CFAP299: variants seen among roughly 807,000 people sequenced by gnomAD.
The protein encoded by CFAP299 is cilia and flagella associated protein 299.
CFAP299 carries 21 observed loss-of-function variants against 27.0 expected under a neutral mutation model. That is an observed-to-expected ratio of 0.78 (90% CI 0.55 to 1.12). The LOEUF is 1.12. Ranked by LOEUF, CFAP299 falls within the 50% of genes most tolerant of loss-of-function variation. The probability of loss-of-function intolerance (pLI) is 0.00; values close to 1 mark genes in which losing one functional copy is unlikely to be tolerated. For missense variants in CFAP299, 310 were observed against 276.6 expected, an observed-to-expected ratio of 1.12 and a Z score of -0.86; for synonymous variants, 104 against 98.1, an observed-to-expected ratio of 1.06 and a Z score of -0.36.
rs1484036961 is a variant in CFAP299 at position 80,806,941 on chromosome 4, T to C, written c.334-63052T>C. 2.0e-5 allele frequency among the ~76,000 whole-genome samples: 3 copies of C among 152,330 alleles called. No homozygotes were observed. In the East Asian group the frequency reaches 5.8e-4, roughly 29 times the overall value. ...AAGATGTTAGTTTTTCTGTTAATAA[T>C]TGAAAAATTATAGACCTGATTATAT... On this transcript the variant is annotated intron_variant, in intron 3 of 5. Transcript: ENST00000358105.
chr4:80,918,641 T>C (rs1383518151), intron 4 of CFAP299, among the ~76,000 whole-genome samples: 2 of 152,124 alleles, frequency 1.3e-5, no homozygotes, highest in African/African-American at 2.4e-5. Flanking sequence ...ACTGGTTTTA[T>C]GTAAAAAAAA....
chr4:80,629,215 A>G (rs749288414), intron 3 of CFAP299, among the ~76,000 whole-genome samples: 5 of 152,190 alleles, frequency 3.3e-5, no homozygotes, highest in Non-Finnish European at 5.9e-5. Context: ...GGGCACAGAA[A>G]GACAAATACC....
chr4:80,349,040 G>A (rs1394131231), intron 1 of CFAP299, among the ~76,000 whole-genome samples: 4 of 152,172 alleles, frequency 2.6e-5, no homozygotes, highest in Non-Finnish European at 5.9e-5. Flanking sequence ...AGACCTGCAA[G>A]GATAACCTAG....
intron 3 of CFAP299, among the ~76,000 whole-genome samples, chr4:80,613,394 T>C (rs1560656201): frequency 6.6e-6 from 1 of 152,134 alleles, no homozygotes; most frequent in Admixed American, 6.6e-5. Flanking sequence ...ACTCTAAAAC[T>C]GATGTAGTAC....
At chr4:80,676,565 C>G (rs1719473183) in intron 3 of CFAP299, among the ~76,000 whole-genome samples, 1 of 152,058 alleles carries the variant, frequency 6.6e-6, no homozygotes, top group African/African-American at 2.4e-5. Flanking sequence ...AACTCAACTA[C>G]AAAGCTATCA....
At chr4:80,875,428 G>A (rs1431278590) in intron 4 of CFAP299, among the ~76,000 whole-genome samples, 5 of 152,078 alleles carry the variant, frequency 3.3e-5, no homozygotes, top group Admixed American at 6.5e-5. Context: ...TTGGGAGGCC[G>A]AGGCGGGTGG....
At chr4:80,428,309 A>G (rs769741837) in intron 2 of CFAP299, among the ~76,000 whole-genome samples, 5 of 152,178 alleles carry the variant, frequency 3.3e-5, no homozygotes, top group Non-Finnish European at 7.3e-5. Flanking sequence ...TATTCATTCA[A>G]TGTCTTTTTA....
intron 2 of CFAP299, among the ~76,000 whole-genome samples, chr4:80,574,719 T>C (rs1735759589): frequency 6.6e-6 from 1 of 152,174 alleles, no homozygotes. Flanking sequence ...GCAATGATGA[T>C]ATAGTTTTGG....
At chr4:80,869,725 G>T (rs1280470435) in intron 3 of CFAP299, among the ~76,000 whole-genome samples, 1 of 152,142 alleles carries the variant, frequency 6.6e-6, no homozygotes, top group Non-Finnish European at 1.5e-5. Flanking sequence ...TGTTGGCCAG[G>T]ATAGTCTCGA....
intron 2 of CFAP299, among the ~76,000 whole-genome samples, chr4:80,493,292 G>A (rs1036927199): frequency 1.2e-4 from 18 of 152,174 alleles, no homozygotes; most frequent in South Asian, 2.1e-4. Flanking sequence ...CACACTCACC[G>A]ATGGTGGGTG....
chr4:80,334,935 C>T (rs918563628), upstream of CFAP299, among the ~76,000 whole-genome samples: 1 of 152,160 alleles, frequency 6.6e-6, no homozygotes, highest in Non-Finnish European at 1.5e-5. Flanking sequence ...GTATTATATG[C>T]TAATTCCCAA....
At chr4:80,742,283 GCC>G (rs927901561) in intron 3 of CFAP299, among the ~76,000 whole-genome samples, 17 of 152,014 alleles carry the variant, frequency 1.1e-4, no homozygotes, top group African/African-American at 3.9e-4. Flanking sequence ...TCTTGTTTAT[GCC>G]CCTGTCTCCC....
chr4:80,571,742 A>G (rs1305879671), intron 2 of CFAP299, among the ~76,000 whole-genome samples: 1 of 151,868 alleles, frequency 6.6e-6, no homozygotes, highest in Admixed American at 6.6e-5. Context: ...AAGAAACACC[A>G]GAGTTTGTTC....
intron 3 of CFAP299, among the ~76,000 whole-genome samples, chr4:80,698,721 C>G (rs1356287841): frequency 1.3e-5 from 2 of 152,182 alleles, no homozygotes; most frequent in Non-Finnish European, 2.9e-5. Context: ...AGGAAACTTA[C>G]AGTCATGGTG....
chr4:80,782,377 T>C (rs1726930966), intron 3 of CFAP299, among the ~76,000 whole-genome samples: 1 of 151,698 alleles, frequency 6.6e-6, no homozygotes, highest in Non-Finnish European at 1.5e-5. Flanking sequence ...ATACTTTTAG[T>C]TATTTTTAAA....
chr4:80,577,266 A>G (rs1735916494), intron 2 of CFAP299, among the ~76,000 whole-genome samples: 1 of 152,208 alleles, frequency 6.6e-6, no homozygotes, highest in African/African-American at 2.4e-5. Flanking sequence ...AATAATTAAA[A>G]TTGTTTGCAA....
chr4:80,450,237 C>T (rs1728833335), intron 2 of CFAP299, among the ~76,000 whole-genome samples: 2 of 152,054 alleles, frequency 1.3e-5, no homozygotes, highest in Admixed American at 1.3e-4. Flanking sequence ...TCTTTGATAC[C>T]AAAGAAGGAA....
Position 80,679,817 on chromosome 4 carries a change from G to A in CFAP299, c.333+96634G>A, listed in dbSNP as rs1034165167. 2.0e-5 allele frequency among the ~76,000 whole-genome samples: 3 copies of A among 150,290 alleles called. No individual in the cohort carries two copies. In the East Asian group the frequency reaches 5.9e-4, roughly 29 times the overall value. On this transcript the variant is annotated intron_variant, in intron 3 of 5. Transcript: ENST00000358105. Reference sequence around the variant, plus strand: ...TTTTGCTACTTCACTGTTGAGTTTCGAGAGTTTTCATACATTGCATTTTCA... The same window carrying A: ...TTTTGCTACTTCACTGTTGAGTTTCAAGAGTTTTCATACATTGCATTTTCA...
intron 3 of CFAP299, among the ~76,000 whole-genome samples, chr4:80,841,431 A>G (rs1363485019): frequency 6.6e-6 from 1 of 152,176 alleles, no homozygotes; most frequent in Non-Finnish European, 1.5e-5. Flanking sequence ...ATGTTCCAAC[A>G]TAATCCCTGA....
Sources: gnomAD v4.1 joint callset for allele counts (sites outside exome capture counted in the v4.1 genomes callset) on GRCh38, gnomAD v4.1.1 for gene constraint, MANE v1.5 for transcripts, NCBI Gene and HGNC (gene_info 2026-07-23, HGNC 2026-07-21) for gene names.